Variants in MAML3 observed in about 807,000 individuals in gnomAD.
The protein encoded by MAML3 is mastermind like transcriptional coactivator 3, also known as mastermind-like protein 3.
Under a neutral mutation model 101.9 loss-of-function variants are expected in MAML3, and 27 were observed. The ratio of observed to expected loss-of-function variants is 0.27; its 90% CI spans 0.20 to 0.37. MAML3 has a LOEUF of 0.37. Ranked by LOEUF, MAML3 falls within the 10% of genes least tolerant of loss-of-function variation. The pLI, the probability that MAML3 is intolerant of heterozygous loss-of-function variation, is 1.00. For missense variants in MAML3, 1,316 were observed against 1,444.9 expected (o/e 0.91, Z 1.45); for synonymous variants, 501 against 555.9 (o/e 0.90, Z 1.39).
intron 2 of MAML3, among the ~76,000 whole-genome samples, chr4:139,797,922 G>A (rs944886815): frequency 6.6e-6 from 1 of 151,738 alleles, no homozygotes; most frequent in African/African-American, 2.4e-5. Context: ...CCATATTTTA[G>A]AATTGTATAT....
chr4:139,982,563 C>A (rs541292384), intron 1 of MAML3, among the ~76,000 whole-genome samples: 3 of 152,224 alleles, frequency 2.0e-5, no homozygotes, highest in African/African-American at 7.2e-5. Flanking sequence ...GCTAACCTAC[C>A]ACATAGGTTA....
At chr4:140,085,752 G>A in intron 1 of MAML3, among the ~76,000 whole-genome samples, 1 of 152,202 alleles carries the variant, frequency 6.6e-6, no homozygotes, top group South Asian at 2.1e-4. Flanking sequence ...AATAAATACA[G>A]TTTCAAAATA....
In MAML3 at chr4:139,719,829, T is replaced by C. The variant is rs755203108; in HGVS notation, c.2911A>G (p.Met971Val). 6 of 1,613,508 alleles carry C rather than the reference T, an allele frequency of 3.7e-6. No homozygotes were observed. The highest frequency in any genetic ancestry group is 1.3e-5 in the African/African-American group (1 of 74,950). Residue 971 changes from methionine to valine, a missense_variant, in exon 5 of 5, where the codon ATG becomes GTG. Coordinates refer to ENST00000509479, the MANE Select transcript of MAML3 (RefSeq NM_018717.5). ...QSWQQRSLQG[M>V]PGRTSGELGP... is the part of the protein sequence containing the mutation. ...AATTCTCCACTAGTCCTCCCAGGCATGCCCTGCAAGCTCCTCTGTTGCCAG... is the reference window on the plus strand; with the variant it reads ...AATTCTCCACTAGTCCTCCCAGGCACGCCCTGCAAGCTCCTCTGTTGCCAG...
intron 2 of MAML3, among the ~76,000 whole-genome samples, chr4:139,840,851 A>G (rs987149377): frequency 6.6e-6 from 1 of 152,196 alleles, no homozygotes; most frequent in Non-Finnish European, 1.5e-5. Context: ...AACCTTCTCA[A>G]TTGCCGTGTG....
At chr4:140,083,747 T>G (rs996498334) in intron 1 of MAML3, among the ~76,000 whole-genome samples, 1 of 151,934 alleles carries the variant, frequency 6.6e-6, no homozygotes, top group Non-Finnish European at 1.5e-5. Context: ...AACAGCAGGG[T>G]CTGGGTATTT....
chr4:140,077,824 C>T (rs996982547), intron 1 of MAML3, among the ~76,000 whole-genome samples: 1 of 152,086 alleles, frequency 6.6e-6, no homozygotes, highest in Admixed American at 6.6e-5. Context: ...TCAAGACCAT[C>T]CCAGCCAACA....
At chr4:140,147,011 T>A (rs112212576) in intron 1 of MAML3, among the ~76,000 whole-genome samples, 7 of 151,592 alleles carry the variant, frequency 4.6e-5, no homozygotes, top group African/African-American at 1.2e-4. Flanking sequence ...TACATGCCTG[T>A]AGTCTCAGCT....
intron 4 of MAML3, among the ~76,000 whole-genome samples, chr4:139,722,364 G>A (rs1431539175): frequency 2.0e-5 from 3 of 152,084 alleles, no homozygotes; most frequent in Non-Finnish European, 2.9e-5. Context: ...TATGCCTTCC[G>A]TGATTTTAAA....
intron 1 of MAML3, among the ~76,000 whole-genome samples, chr4:140,088,842 T>C (rs900569782): frequency 1.3e-5 from 2 of 152,226 alleles, no homozygotes; most frequent in Non-Finnish European, 2.9e-5. Context: ...AGTCATCAGA[T>C]GTAAGCTGAG....
chr4:139,898,510 G>T lies in MAML3; in HGVS notation c.469-7543C>A, dbSNP rs547000431. ...TTGAATTTTAAATTTCCATACAAAG[G>T]CTTCAAGTGGTTCTCACCCACTATA... On this transcript the variant is annotated intron_variant, in intron 1 of 4. Coordinates refer to ENST00000509479, the MANE Select transcript of MAML3 (RefSeq NM_018717.5). Among the ~76,000 whole-genome samples the T allele has an allele frequency of 8.5e-5, 13 of 152,342 alleles. No homozygotes were observed. The South Asian group carries it at 1.0e-3, about 12-fold the overall frequency.
intron 1 of MAML3, among the ~76,000 whole-genome samples, chr4:139,970,873 T>C (rs1458117539): frequency 6.6e-6 from 1 of 152,160 alleles, no homozygotes; most frequent in Non-Finnish European, 1.5e-5. Context: ...GCACCTAGCA[T>C]ATGGCAGTCA....
At chr4:140,067,201 G>A (rs1446974846) in intron 1 of MAML3, among the ~76,000 whole-genome samples, 3 of 26,526 alleles carry the variant, frequency 1.1e-4, no homozygotes, top group African/African-American at 1.8e-4. Context: ...AATTTTAGGG[G>A]TGTGTGTGTG....
At chr4:140,022,075 G>A (rs1726741842) in intron 1 of MAML3, among the ~76,000 whole-genome samples, 1 of 152,204 alleles carries the variant, frequency 6.6e-6, no homozygotes, top group South Asian at 2.1e-4. Context: ...TCTAGACGGT[G>A]CCACAGCCCT....
Position 139,852,644 on chromosome 4 carries a change from G to C in MAML3, c.2079+36713C>G, listed in dbSNP as rs1292480607. Reference sequence around the variant, plus strand: ...TGGCCAGGCTGATCTCGAACTCCTGGCATCAAGTGATCCGCCCACCTCAGC... The same window carrying C: ...TGGCCAGGCTGATCTCGAACTCCTGCCATCAAGTGATCCGCCCACCTCAGC... On this transcript the variant is annotated intron_variant, in intron 2 of 4. Coordinates refer to ENST00000509479, the MANE Select transcript of MAML3 (RefSeq NM_018717.5). Among the ~76,000 whole-genome samples, 6 of 151,884 alleles carry C rather than the reference G, an allele frequency of 4.0e-5. No homozygotes were observed. In the East Asian group the frequency reaches 1.2e-3, roughly 29 times the overall value.
chr4:139,871,647 T>A (rs1206887024), intron 2 of MAML3, among the ~76,000 whole-genome samples: 1 of 152,348 alleles, frequency 6.6e-6, no homozygotes, highest in East Asian at 1.9e-4. Context: ...ATCTCTCTAA[T>A]GAGCTTTGAG....
intron 1 of MAML3, chr4:140,133,041 A>C (rs1223774880): frequency 9.5e-6 from 4 of 422,482 alleles, no homozygotes; most frequent in African/African-American, 8.3e-5. Flanking sequence ...ACCTGTATTT[A>C]TTTTAAAAGG....
chr4:139,840,594 C>CG (rs1731344186), intron 2 of MAML3, among the ~76,000 whole-genome samples: 1 of 152,132 alleles, frequency 6.6e-6, no homozygotes, highest in Admixed American at 6.5e-5. Flanking sequence ...CAGGATAATG[C>CG]GGTAGTTGCT....
chr4:139,778,939 C>T lies in MAML3; in HGVS notation c.2080-48272G>A, dbSNP rs182353114. Among the ~76,000 whole-genome samples the T allele has an allele frequency of 6.0e-5, 9 of 149,112 alleles. No homozygotes were observed. In the South Asian group the frequency reaches 8.5e-4, roughly 14 times the overall value. ...TGGAGGTTGCAGTGAGCCGAGATGG[C>T]GCCACTGCATTCCAGCCTGGGTGAC... On this transcript the variant is annotated intron_variant, in intron 2 of 4. Coordinates refer to ENST00000509479, the MANE Select transcript of MAML3 (RefSeq NM_018717.5).
intron 1 of MAML3, among the ~76,000 whole-genome samples, chr4:140,008,998 T>G (rs994364793): frequency 1.3e-5 from 2 of 152,276 alleles, no homozygotes; most frequent in Admixed American, 6.5e-5. Context: ...AAGGGTCATC[T>G]TTCCCAAATT....
Sources: allele counts gnomAD v4.1 joint callset (sites outside exome capture counted in the v4.1 genomes callset), GRCh38; gene constraint gnomAD v4.1.1; transcripts MANE v1.5; gene names NCBI Gene and HGNC (gene_info 2026-07-23, HGNC 2026-07-21).